Variants in ACOXL observed in about 807,000 individuals in gnomAD.
ACOXL encodes the protein acyl-CoA oxidase like.
In ACOXL, 70 loss-of-function variants were observed where a neutral mutation model predicts 71.9. The ratio of observed to expected loss-of-function variants is 0.97; its 90% CI spans 0.80 to 1.19. ACOXL has a LOEUF of 1.19. Ranked by LOEUF, ACOXL falls within the 50% of genes most tolerant of loss-of-function variation. The pLI is 0.00. For synonymous variants in ACOXL, 253 were observed against 281.6 expected, an observed-to-expected ratio of 0.90 and a Z score of 1.02; for missense variants, 703 against 736.3, an observed-to-expected ratio of 0.95 and a Z score of 0.52.
chr2:110,814,100 A>G (rs1308579787), intron 9 of ACOXL, among the ~76,000 whole-genome samples: 1 of 152,202 alleles, frequency 6.6e-6, no homozygotes, highest in Non-Finnish European at 1.5e-5. Flanking sequence ...GCCTTGGTTA[A>G]CCAAACCAAA....
At chr2:111,043,192 G>T (rs1194200542) in intron 15 of ACOXL, among the ~76,000 whole-genome samples, 1 of 152,156 alleles carries the variant, frequency 6.6e-6, no homozygotes, top group Non-Finnish European at 1.5e-5. Context: ...GGGGGACAGT[G>T]AGCAGGGCCC....
At chr2:110,765,692 C>T (rs1011572853) in intron 1 of ACOXL, among the ~76,000 whole-genome samples, 1 of 152,188 alleles carries the variant, frequency 6.6e-6, no homozygotes, top group African/African-American at 2.4e-5. Flanking sequence ...TATGTTCTAA[C>T]ATACTGGAAG....
chr2:110,792,106 C>T (rs572741720), intron 3 of ACOXL, among the ~76,000 whole-genome samples: 4 of 152,212 alleles, frequency 2.6e-5, no homozygotes, highest in Non-Finnish European at 5.9e-5. Flanking sequence ...CTGGCTTCTA[C>T]TCCAAATGGA....
At chr2:111,080,703 C>A (rs1349627323) in intron 16 of ACOXL, among the ~76,000 whole-genome samples, 2 of 152,138 alleles carry the variant, frequency 1.3e-5, no homozygotes, top group African/African-American at 2.4e-5. Flanking sequence ...CAAAACCTGG[C>A]AGAGACACAA....
At chr2:110,985,163 G>T (rs1276220207) in intron 12 of ACOXL, among the ~76,000 whole-genome samples, 1 of 28,656 alleles carries the variant, frequency 3.5e-5, no homozygotes, top group Non-Finnish European at 6.5e-5. Context: ...AATGGAACTG[G>T]ATTGCTATTA....
At chr2:110,844,292 A>C (rs982739665) in intron 10 of ACOXL, among the ~76,000 whole-genome samples, 1 of 152,220 alleles carries the variant, frequency 6.6e-6, no homozygotes, top group Non-Finnish European at 1.5e-5. Context: ...GTGTTTTCCA[A>C]AAATTACTTC....
rs57292148 is a variant in ACOXL at position 110,768,492 on chromosome 2, T to TTGTGTGTGTGTGTGTGTGTG, written c.75+31_75+50dup. On this transcript the variant is annotated intron_variant, in intron 2 of 17. Coordinates refer to ENST00000439055, the MANE Select transcript of ACOXL (RefSeq NM_001142807.4). The stretch of plus-strand genomic sequence containing the variant: ...AAGTGTCATTATTATTCTGGTATGG[T>TTGTGTGTGTGTGTGTGTGTG]TGTGTGTGTGTGTGTGTGTGTGAGA... The TTGTGTGTGTGTGTGTGTGTG allele has an allele frequency of 5.9e-5, 76 of 1,280,132 alleles. 1 individual carries two copies. The African/African-American group carries it at 8.2e-4, about 14-fold the overall frequency. 79.3% of individuals were successfully genotyped at this position (1,280,132 alleles called of 1,614,324 possible).
intron 10 of ACOXL, among the ~76,000 whole-genome samples, chr2:110,869,599 C>T (rs1188651975): frequency 1.3e-5 from 2 of 152,192 alleles, no homozygotes; most frequent in Non-Finnish European, 2.9e-5. Flanking sequence ...GCTCTGAGTG[C>T]ATCTGTGTCA....
intron 12 of ACOXL, among the ~76,000 whole-genome samples, chr2:110,954,721 G>A (rs548335335): frequency 7.2e-4 from 110 of 152,266 alleles, no homozygotes; most frequent in African/African-American, 2.5e-3. Flanking sequence ...TTTCTTTAGA[G>A]TTACCACCTT....
intron 14 of ACOXL, among the ~76,000 whole-genome samples, chr2:111,030,653 C>T (rs146678349): frequency 1.9e-4 from 29 of 151,832 alleles, no homozygotes; most frequent in Middle Eastern, 3.4e-3. Flanking sequence ...TGAGAGGGCA[C>T]GTCAGGGTGT....
intron 17 of ACOXL, among the ~76,000 whole-genome samples, chr2:111,115,810 G>A (rs2070309795): frequency 6.6e-6 from 1 of 152,122 alleles, no homozygotes; most frequent in Non-Finnish European, 1.5e-5. Context: ...CTTCTCTAGG[G>A]TGCCATTGGA....
In ACOXL at chr2:110,794,433, G is replaced by A. The variant is rs538664127; in HGVS notation, c.345+259G>A. Reference sequence around the variant, plus strand: ...CTGAACACTGCTTCAAGCACTTTGTGTGCACTTGTGAATTTAATCCCTTGT... The same window carrying A: ...CTGAACACTGCTTCAAGCACTTTGTATGCACTTGTGAATTTAATCCCTTGT... On this transcript the variant is annotated intron_variant, in intron 5 of 17. Transcript: ENST00000439055. Among the ~76,000 whole-genome samples, 10 of 152,362 alleles carry A rather than the reference G, an allele frequency of 6.6e-5. No homozygotes were observed. The South Asian group carries it at 2.1e-3, about 32-fold the overall frequency.
At chr2:110,852,669 A>G (rs1692763325) in intron 10 of ACOXL, among the ~76,000 whole-genome samples, 1 of 152,208 alleles carries the variant, frequency 6.6e-6, no homozygotes, top group Admixed American at 6.5e-5. Flanking sequence ...GTGCTGGGAC[A>G]TCCCCTGGAG....
At chr2:110,820,255 C>A (rs1311626090) in intron 9 of ACOXL, among the ~76,000 whole-genome samples, 1 of 151,974 alleles carries the variant, frequency 6.6e-6, no homozygotes, top group Non-Finnish European at 1.5e-5. Context: ...AACAGGAGCA[C>A]GTCTGAGCCC....
intron 12 of ACOXL, among the ~76,000 whole-genome samples, chr2:110,936,113 G>A (rs2060653971): frequency 6.6e-6 from 1 of 152,066 alleles, no homozygotes; most frequent in South Asian, 2.1e-4. Flanking sequence ...CTGGTCCATG[G>A]CCTGGGGATT....
At chr2:110,955,644 C>G (rs141549056) in intron 12 of ACOXL, among the ~76,000 whole-genome samples, 2,516 of 152,218 alleles carry the variant, frequency 0.017, 23 homozygotes, top group Non-Finnish European at 0.025. Flanking sequence ...CCAAAGGCTT[C>G]TCTTCAGGCC....
At chr2:111,018,585 C>T (rs943560604) in intron 14 of ACOXL, among the ~76,000 whole-genome samples, 1 of 152,094 alleles carries the variant, frequency 6.6e-6, no homozygotes, top group Non-Finnish European at 1.5e-5. Context: ...GGCCTGATCA[C>T]ATGGGAGTTC....
At chr2:110,933,268 C>T (rs1229416527) in intron 11 of ACOXL, among the ~76,000 whole-genome samples, 1 of 152,140 alleles carries the variant, frequency 6.6e-6, no homozygotes, top group Non-Finnish European at 1.5e-5. Context: ...TCCCTCTGCT[C>T]TTGTGTTTCA....
intron 10 of ACOXL, among the ~76,000 whole-genome samples, chr2:110,856,723 A>G (rs1375690887): frequency 1.3e-5 from 2 of 152,216 alleles, no homozygotes; most frequent in African/African-American, 4.8e-5. Flanking sequence ...ATGGACAGGA[A>G]TATGTCTGGT....
Sources: gnomAD v4.1 joint callset for allele counts (sites outside exome capture counted in the v4.1 genomes callset) on GRCh38, gnomAD v4.1.1 for gene constraint, MANE v1.5 for transcripts, NCBI Gene and HGNC (gene_info 2026-07-23, HGNC 2026-07-21) for gene names.